HMGCLL1: variants seen among roughly 807,000 people sequenced by gnomAD.
The protein encoded by HMGCLL1 is 3-hydroxymethyl-3-methylglutaryl-CoA lyase, cytoplasmic.
A neutral mutation model predicts 39.1 loss-of-function variants in HMGCLL1; 36 were observed. The ratio of observed to expected loss-of-function variants is 0.92; its 90% CI spans 0.71 to 1.22. The LOEUF is 1.22. HMGCLL1 is among the 50% of genes most tolerant of loss of function. The pLI is 0.00. For synonymous variants in HMGCLL1, 149 were observed against 144.0 expected (o/e 1.03, Z -0.25); for missense variants, 451 against 416.5 (o/e 1.08, Z -0.72).
At chr6:55,603,060 G>A in the HMGCLL1 span, among the ~76,000 whole-genome samples, 3 of 151,874 alleles carry the variant, frequency 2.0e-5, no homozygotes, top group African/African-American at 7.2e-5. Flanking sequence ...GAGAGACTGG[G>A]GAAATAGTAT....
chr6:55,636,581 T>A, the HMGCLL1 span, among the ~76,000 whole-genome samples: 1 of 152,142 alleles, frequency 6.6e-6, no homozygotes, highest in Non-Finnish European at 1.5e-5. Context: ...TCATATTTCT[T>A]AACTCTAAGC....
the HMGCLL1 span, among the ~76,000 whole-genome samples, chr6:55,596,935 T>C: frequency 6.6e-6 from 1 of 152,118 alleles, no homozygotes; most frequent in Non-Finnish European, 1.5e-5. Context: ...AACCAGTTGT[T>C]AATTTATCAA....
At chr6:55,587,246 T>C in the HMGCLL1 span, among the ~76,000 whole-genome samples, 1 of 152,092 alleles carries the variant, frequency 6.6e-6, no homozygotes, top group Non-Finnish European at 1.5e-5. Context: ...GGGTTGTTTG[T>C]TTTTTTCTTG....
intron 7 of HMGCLL1, among the ~76,000 whole-genome samples, chr6:55,478,729 C>T (rs1460346930): frequency 6.6e-6 from 1 of 151,216 alleles, no homozygotes; most frequent in African/African-American, 2.4e-5. Flanking sequence ...AAGGTCATCG[C>T]TTGTCTTATG....
At chr6:55,474,485 GC>G (rs1765198538) in intron 7 of HMGCLL1, among the ~76,000 whole-genome samples, 1 of 150,870 alleles carries the variant, frequency 6.6e-6, no homozygotes, top group Admixed American at 6.6e-5. Context: ...TTCTTTTAGA[GC>G]CTCCATCTAC....
intron 5 of HMGCLL1, among the ~76,000 whole-genome samples, chr6:55,499,510 ATG>A (rs1766764474): frequency 1.3e-5 from 2 of 152,104 alleles, no homozygotes; most frequent in African/African-American, 2.4e-5. Flanking sequence ...ACAATTTGAT[ATG>A]TGTTTTTGAT....
intron 3 of HMGCLL1, among the ~76,000 whole-genome samples, chr6:55,537,303 C>T (rs1355601842): frequency 1.3e-5 from 2 of 152,108 alleles, no homozygotes; most frequent in East Asian, 3.9e-4. Context: ...GATTCAGGCA[C>T]ACTGATCTTT....
Position 55,479,608 on chromosome 6 carries a change from AT to A in HMGCLL1, c.795+15810del, listed in dbSNP as rs1218667999. ...ATATTTTCCTTTATATCCATTTTTC[AT>A]TTTTTATATTAGCACAGTAGGTCAG... On this transcript the variant is annotated intron_variant, in intron 7 of 8. Coordinates refer to ENST00000274901, the MANE Select transcript of HMGCLL1 (RefSeq NM_001042406.2). Among the ~76,000 whole-genome samples the A allele has an allele frequency of 5.3e-5, 8 of 151,324 alleles. 1 individual carries two copies. The highest frequency in any genetic ancestry group is 1.7e-4 in the African/African-American group (7 of 40,932).
the HMGCLL1 span, among the ~76,000 whole-genome samples, chr6:55,678,739 C>A: frequency 6.6e-6 from 1 of 152,226 alleles, no homozygotes; most frequent in East Asian, 1.9e-4. Context: ...AGGAAAGAAA[C>A]AAGGTTGTAA....
chr6:55,530,036 C>T (rs1332773142), intron 3 of HMGCLL1, among the ~76,000 whole-genome samples: 1 of 144,918 alleles, frequency 6.9e-6, no homozygotes, highest in Non-Finnish European at 1.5e-5. Flanking sequence ...TGATAAAAAC[C>T]TCAGAAAACC....
intron 8 of HMGCLL1, among the ~76,000 whole-genome samples, chr6:55,438,035 G>A (rs1231855989): frequency 6.6e-6 from 1 of 151,892 alleles, no homozygotes; most frequent in African/African-American, 2.4e-5. Flanking sequence ...AAATTTTTAG[G>A]AATAAACTTG....
intron 3 of HMGCLL1, among the ~76,000 whole-genome samples, chr6:55,532,272 A>G (rs947995047): frequency 6.6e-6 from 1 of 152,172 alleles, no homozygotes; most frequent in Non-Finnish European, 1.5e-5. Flanking sequence ...GGGGGTAAAA[A>G]GGACAAAAAT....
chr6:55,634,243 G>A, the HMGCLL1 span, among the ~76,000 whole-genome samples: 2 of 152,004 alleles, frequency 1.3e-5, no homozygotes, highest in Non-Finnish European at 2.9e-5. Flanking sequence ...GATAGATTTA[G>A]GTCTTTGCTG....
At chr6:55,561,333 C>T (rs1419385070) in intron 1 of HMGCLL1, among the ~76,000 whole-genome samples, 1 of 151,764 alleles carries the variant, frequency 6.6e-6, no homozygotes, top group East Asian at 1.9e-4. Flanking sequence ...GAAATAAGGG[C>T]CCTACAAGTA....
chr6:55,668,029 T>C, the HMGCLL1 span, among the ~76,000 whole-genome samples: 92 of 152,020 alleles, frequency 6.1e-4, 2 homozygotes, highest in South Asian at 6.6e-3. Flanking sequence ...AGAATTCACT[T>C]CTATGGCACA....
chr6:55,618,472 A>C, the HMGCLL1 span, among the ~76,000 whole-genome samples: 13 of 152,106 alleles, frequency 8.5e-5, no homozygotes, highest in African/African-American at 3.1e-4. Context: ...ATGAATAATA[A>C]ACATGTCAGA....
chr6:55,634,933 G>A, the HMGCLL1 span, among the ~76,000 whole-genome samples: 5 of 152,118 alleles, frequency 3.3e-5, no homozygotes, highest in African/African-American at 1.2e-4. Flanking sequence ...AACTGAGACA[G>A]CTTATTATTG....
At chr6:55,523,070 A>T (rs1266402390) in intron 3 of HMGCLL1, among the ~76,000 whole-genome samples, 2 of 151,976 alleles carry the variant, frequency 1.3e-5, no homozygotes, top group African/African-American at 2.4e-5. Context: ...ATAGGACTCT[A>T]TATTTTGTAC....
chr6:55,441,111 A>G (rs201966179), intron 7 of HMGCLL1, among the ~76,000 whole-genome samples: 1 of 152,090 alleles, frequency 6.6e-6, no homozygotes, highest in Non-Finnish European at 1.5e-5. Flanking sequence ...AAATCCAAAT[A>G]CAGCATGGGC....
Sources: gnomAD v4.1 joint callset for allele counts (sites outside exome capture counted in the v4.1 genomes callset) on GRCh38, gnomAD v4.1.1 for gene constraint, MANE v1.5 for transcripts, NCBI Gene and HGNC (gene_info 2026-07-23, HGNC 2026-07-21) for gene names.